LDLRAD4: variants seen among roughly 807,000 people sequenced by gnomAD.
The protein encoded by LDLRAD4 is low density lipoprotein receptor class A domain containing 4.
A neutral mutation model predicts 17.0 loss-of-function variants in LDLRAD4; 5 were observed. The observed-to-expected ratio is 0.29, with a 90% CI of 0.15 to 0.62. The LOEUF is 0.62. Among genes scored for constraint, LDLRAD4 ranks in the 20% least tolerant of loss-of-function variants. The pLI, the probability that LDLRAD4 is intolerant of heterozygous loss-of-function variation, is 0.84. For missense variants in LDLRAD4, 340 were observed against 424.7 expected (o/e 0.80, Z 1.75); for synonymous variants, 168 against 171.8 (o/e 0.98, Z 0.17).
chr18:13,444,532 A>C, intron 3 of LDLRAD4, among the ~76,000 whole-genome samples: 1 of 152,202 alleles, frequency 6.6e-6, no homozygotes, highest in East Asian at 1.9e-4. Context: ...GGGAGTTGAA[A>C]GTTATACACA....
chr18:13,443,336 C>A (rs138108409), intron 3 of LDLRAD4, among the ~76,000 whole-genome samples: 1 of 152,166 alleles, frequency 6.6e-6, no homozygotes, highest in Non-Finnish European at 1.5e-5. Context: ...AACTTCCCAC[C>A]TCCCAAGCAT....
chr18:13,612,705 A>G, intron 3 of LDLRAD4: 2 of 1,613,882 alleles, frequency 1.2e-6, no homozygotes, highest in Non-Finnish European at 1.7e-6. Flanking sequence ...GGACCTGATT[A>G]TGTCCAGTGA....
intron 1 of LDLRAD4, among the ~76,000 whole-genome samples, chr18:13,314,063 G>A (rs980279545): frequency 1.3e-5 from 2 of 152,186 alleles, no homozygotes; most frequent in African/African-American, 4.8e-5. Context: ...AGTGCAGCCA[G>A]TGTTTAAATA....
chr18:13,329,729 G>A (rs984182041), intron 1 of LDLRAD4, among the ~76,000 whole-genome samples: 7 of 152,050 alleles, frequency 4.6e-5, no homozygotes, highest in African/African-American at 1.7e-4. Flanking sequence ...TCCCCTAAAT[G>A]TTACCAATTC....
rs1410820966 is a variant in LDLRAD4, at chr18:13,497,312, G to T, written c.181+58928G>T. On this transcript the variant is annotated intron_variant, in intron 3 of 5. Transcript: ENST00000359446. ...CTGCCTCAGCCTCCGGAATAGCTGG[G>T]ACTACCGGGACATGCCACCATGCCT... Among the ~76,000 whole-genome samples, 4 of 152,054 alleles carry T rather than the reference G, an allele frequency of 2.6e-5. No homozygotes were observed. In the East Asian group the frequency reaches 7.8e-4, roughly 30 times the overall value.
At chr18:13,375,616 T>G (rs2084848333) in intron 1 of LDLRAD4, among the ~76,000 whole-genome samples, 2 of 152,192 alleles carry the variant, frequency 1.3e-5, no homozygotes, top group African/African-American at 4.8e-5. Context: ...TTTAAGTATT[T>G]GAAGATGAAA....
At chr18:13,444,589 A>C (rs1440328968) in intron 3 of LDLRAD4, among the ~76,000 whole-genome samples, 1 of 152,190 alleles carries the variant, frequency 6.6e-6, no homozygotes, top group East Asian at 1.9e-4. Flanking sequence ...CAAATTGTTC[A>C]AAGGTCAGCT....
At chr18:13,268,652 A>G (rs1337174951) in intron 1 of LDLRAD4, among the ~76,000 whole-genome samples, 1 of 152,230 alleles carries the variant, frequency 6.6e-6, no homozygotes, top group Non-Finnish European at 1.5e-5. Flanking sequence ...AAACCCTGAA[A>G]TGTTTAGAAG....
At chr18:13,580,275 G>A (rs2094838270) in intron 3 of LDLRAD4, among the ~76,000 whole-genome samples, 1 of 152,374 alleles carries the variant, frequency 6.6e-6, no homozygotes, top group Non-Finnish European at 1.5e-5. Context: ...TGGAGAGGCT[G>A]CCTGGGTCTA....
At chr18:13,274,672 AGTT>A (rs386801407), upstream of LDLRAD4, among the ~76,000 whole-genome samples, 2,592 of 152,278 alleles carry the variant, frequency 0.017, 86 homozygotes, top group African/African-American at 0.06. Flanking sequence ...TAATGAATAA[AGTT>A]TTTCTTTTGT....
chr18:13,217,916 G>C (rs2041246228), upstream of LDLRAD4: 1 of 150,886 alleles, frequency 6.6e-6, no homozygotes, highest in African/African-American at 2.4e-5. This position sits in a 1 kb window ranked among gnomAD's most constrained non-coding sequence, Gnocchi z 4.9. Flanking sequence ...GAGCGCGGGG[G>C]AGGCCCGGGG....
chr18:13,327,065 G>A (rs572681338), intron 1 of LDLRAD4, among the ~76,000 whole-genome samples: 1 of 152,096 alleles, frequency 6.6e-6, no homozygotes, highest in South Asian at 2.1e-4. Flanking sequence ...CCCTCCTCTT[G>A]TGCTTTCCTA....
At chr18:13,396,719 G>A (rs2086726586) in intron 2 of LDLRAD4, among the ~76,000 whole-genome samples, 1 of 152,178 alleles carries the variant, frequency 6.6e-6, no homozygotes, top group Non-Finnish European at 1.5e-5. Flanking sequence ...CTGGGCTCAA[G>A]CGATCCTCCT....
Position 13,645,711 on chromosome 18 carries a change from G to A in LDLRAD4, c.*54G>A, listed in dbSNP as rs1252469763. 3.6e-6 allele frequency: 5 copies of A among 1,393,580 alleles called. No homozygotes were observed. The highest frequency in any genetic ancestry group is 4.8e-6 in the Non-Finnish European group (5 of 1,031,778). The allele number at this position is 1,393,580 out of a possible 1,614,324, so 86.3% of individuals were successfully genotyped here. A position where few individuals can be genotyped will look rare whatever the true frequency, so the allele number is the denominator to read the frequency against. ...AAAGAAACCAAGAAGGGAAGCGGCC[G>A]CTGGGCCCCTCCTGCGCACAGTGTT... On this transcript the variant is annotated 3_prime_UTR_variant, in exon 6 of 6. Transcript: ENST00000359446. This position sits in a 1 kb window ranked among gnomAD's most constrained non-coding sequence, Gnocchi z 5.7.
intron 3 of LDLRAD4, among the ~76,000 whole-genome samples, chr18:13,603,072 T>TAA (rs1568393116): frequency 2.0e-5 from 3 of 151,860 alleles, no homozygotes; most frequent in Non-Finnish European, 4.4e-5. Context: ...ATTTAAGTTT[T>TAA]TAAAGTACCT....
chr18:13,569,971 T>C (rs866825309), intron 3 of LDLRAD4, among the ~76,000 whole-genome samples: 4 of 152,212 alleles, frequency 2.6e-5, no homozygotes, highest in Non-Finnish European at 2.9e-5. Flanking sequence ...TTTAAAAGTA[T>C]GCATGGGGAA....
chr18:13,292,929 G>A (rs1035763327), intron 1 of LDLRAD4, among the ~76,000 whole-genome samples: 1 of 152,220 alleles, frequency 6.6e-6, no homozygotes, highest in Non-Finnish European at 1.5e-5. Flanking sequence ...AGACGATGAC[G>A]GAGGCCATGC....
chr18:13,610,288 T>C lies in LDLRAD4; in HGVS notation c.182-10829T>C, dbSNP rs1269880743. Among the ~76,000 whole-genome samples the C allele has an allele frequency of 1.7e-3, 120 of 69,968 alleles. 4 individuals are homozygous for C. The highest frequency in any genetic ancestry group is 1.9e-3 in the Non-Finnish European group (66 of 33,878). The allele number at this position is 69,968 out of a possible 152,430, so 45.9% of individuals were successfully genotyped here. A position where few individuals can be genotyped will look rare whatever the true frequency, so the allele number is the denominator to read the frequency against. The stretch of plus-strand genomic sequence containing the variant: ...TAATTTTTTTTTTTTTTTTTTTTTT[T>C]TTTTTTTTTTTTTTTTTGAGACGGA... On this transcript the variant is annotated intron_variant, in intron 3 of 5. Coordinates refer to ENST00000359446, the Ensembl canonical transcript of LDLRAD4.
In LDLRAD4 at chr18:13,369,672, A is replaced by C. The variant is rs528059651; in HGVS notation, c.-382-17669A>C. Among the ~76,000 whole-genome samples the C allele has an allele frequency of 3.3e-5, 5 of 152,310 alleles. No homozygotes were observed. The South Asian group carries it at 8.3e-4, about 25-fold the overall frequency. On this transcript the variant is annotated intron_variant, in intron 1 of 5. Coordinates refer to ENST00000359446, the Ensembl canonical transcript of LDLRAD4. Reference sequence around the variant, plus strand: ...GTGATCTGAGCAGATGTGTGTTTTGAGAGCCGCCCCTGCACTGCAGCACCT... The same window carrying C: ...GTGATCTGAGCAGATGTGTGTTTTGCGAGCCGCCCCTGCACTGCAGCACCT...
Sources: allele counts gnomAD v4.1 joint callset (sites outside exome capture counted in the v4.1 genomes callset), GRCh38; gene constraint gnomAD v4.1.1; non-coding constraint Gnocchi (gnomAD v3.1); transcripts MANE v1.5; gene names NCBI Gene and HGNC (gene_info 2026-07-23, HGNC 2026-07-21).